UBE4A: variants seen among roughly 807,000 people sequenced by gnomAD.
UBE4A encodes the protein ubiquitination factor E4A.
Under a neutral mutation model 117.9 loss-of-function variants are expected in UBE4A, and 48 were observed. That is an observed-to-expected ratio of 0.41 (90% CI 0.32 to 0.52). The LOEUF (loss-of-function observed/expected upper bound fraction) is 0.52. Ranked by LOEUF, UBE4A falls within the 20% of genes least tolerant of loss-of-function variation. UBE4A has a pLI of 0.33. For missense variants in UBE4A, 1,067 were observed against 1,296.3 expected (o/e 0.82, Z 2.72); for synonymous variants, 407 against 450.0 (o/e 0.90, Z 1.21).
rs754905221 is a variant in UBE4A at position 118,372,489 on chromosome 11, T to C, written c.562-18T>C. ...TACAGAGTTAGACTATTCCCTCTTT[T>C]CTTCATGCTGTTTGCAGATTACCAA... is the stretch of plus-strand genomic sequence containing the variant. On this transcript the variant is annotated intron_variant, in intron 5 of 19. Transcript: ENST00000252108. The C allele has an allele frequency of 3.7e-5, 59 of 1,596,724 alleles. No individual in the cohort carries two copies. Among genetic ancestry groups the C allele is most frequent in the Admixed American group, 2.6e-4 (14 of 53,892 alleles).
chr11:118,394,802 C>G (rs759079817), intron 19 of UBE4A, among the ~76,000 whole-genome samples: 2 of 151,648 alleles, frequency 1.3e-5, no homozygotes, highest in African/African-American at 4.8e-5. Flanking sequence ...AGTTATATCT[C>G]TACAAAAAAT....
At chr11:118,382,301 CATT>C (rs1555126431) in intron 12 of UBE4A, among the ~76,000 whole-genome samples, 1 of 152,054 alleles carries the variant, frequency 6.6e-6, no homozygotes, top group African/African-American at 2.4e-5. Flanking sequence ...GTAAATAATG[CATT>C]ATTACAGAGA....
At chr11:118,381,074 C>G (rs1555126249) in intron 11 of UBE4A, among the ~76,000 whole-genome samples, 1 of 152,146 alleles carries the variant, frequency 6.6e-6, no homozygotes, top group African/African-American at 2.4e-5. Flanking sequence ...ACATATTAAT[C>G]TTTATTAGAG....
chr11:118,372,985 TAA>T (rs34104337), intron 6 of UBE4A, 99 bp from the exon 7 acceptor site: 47,725 of 921,792 alleles, frequency 0.052, no homozygotes, highest in East Asian at 0.12. Flanking sequence ...CCCCCAGCTC[TAA>T]AAAAAAAAAA....
At chr11:118,383,292 G>T (rs782693399) in intron 13 of UBE4A, among the ~76,000 whole-genome samples, 1 of 151,984 alleles carries the variant, frequency 6.6e-6, no homozygotes, top group Non-Finnish European at 1.5e-5. Context: ...CTAATGGTTC[G>T]ATTAAAAATA....
At chr11:118,372,304 T>TA (rs1294697367) in intron 5 of UBE4A, among the ~76,000 whole-genome samples, 1 of 152,118 alleles carries the variant, frequency 6.6e-6, no homozygotes, top group East Asian at 1.9e-4. Flanking sequence ...ATGTAAATAT[T>TA]AGAGTAGGCT....
At chr11:118,360,274 G>T (rs1948510292) in intron 1 of UBE4A, among the ~76,000 whole-genome samples, 1 of 152,088 alleles carries the variant, frequency 6.6e-6, no homozygotes, top group Non-Finnish European at 1.5e-5. Context: ...TTCCTTTTAG[G>T]ATCAGTTTTA....
At chr11:118,394,153 A>G (rs1455597691) in intron 19 of UBE4A, among the ~76,000 whole-genome samples, 5 of 151,792 alleles carry the variant, frequency 3.3e-5, no homozygotes, top group African/African-American at 1.2e-4. Context: ...GCCTATTTAT[A>G]TATTTATTTA....
intron 10 of UBE4A, 102 bp downstream of exon 10, chr11:118,376,796 T>A (rs1948656449): frequency 7.1e-7 from 1 of 1,402,816 alleles, no homozygotes; most frequent in Non-Finnish European, 9.5e-7. Flanking sequence ...ACATCTTTAA[T>A]CTCAGGATTT....
At position 118,388,062 on chromosome 11, in the gene UBE4A, A is replaced by C. The variant is rs560328889; in HGVS notation, c.2587+1450A>C. Among the ~76,000 whole-genome samples, 34 of 152,344 alleles carry C rather than the reference A, an allele frequency of 2.2e-4. No homozygotes were observed. The South Asian group carries it at 5.4e-3, about 24-fold the overall frequency. The stretch of plus-strand genomic sequence containing the variant: ...TGATAAGAGGCTCTGAAAATAAGCA[A>C]ATAAGCAAAAAGTTATACTAAAAAG... On this transcript the variant is annotated intron_variant, in intron 16 of 19. Coordinates refer to ENST00000252108, the MANE Select transcript of UBE4A (RefSeq NM_001204077.2).
intron 5 of UBE4A, 127 bp from the exon 6 acceptor site, chr11:118,372,380 G>C: frequency 1.1e-6 from 1 of 946,858 alleles, no homozygotes; most frequent in Non-Finnish European, 1.5e-6. Context: ...GCCAAGGAAG[G>C]AATCTCTAAT....
At position 118,379,651 on chromosome 11, in the gene UBE4A, G is replaced by C. The variant is rs1555125967; in HGVS notation, c.1777G>C (p.Val593Leu). 1 of 1,614,204 alleles carries C rather than the reference G, an allele frequency of 6.2e-7. No homozygotes were observed. Among genetic ancestry groups the C allele is most frequent in the East Asian group, 2.2e-5 (1 of 44,892 alleles). The change falls in exon 11 of 20, where the codon GTT becomes CTT. Residue 593 changes from valine to leucine, a missense_variant. Val to Leu is a conservative substitution (Grantham distance 32). This residue lies in a region of UBE4A where 1,001 missense variants were observed against 1,184.0 expected (regional missense o/e 0.85). Transcript: ENST00000252108. ...CCTAAACTTGCAGGTGTCCATGGCT[G>C]TTCTACTGGTTCAACTGGCCATAGG... ...NCLNLQVSMA[V>L]LLVQLAIGNE...
At position 118,376,496 on chromosome 11, in the gene UBE4A, GT is replaced by G. The variant is rs1476838953; in HGVS notation, c.1451-77del. 3 of 1,548,580 alleles carry G rather than the reference GT, an allele frequency of 1.9e-6. No individual in the cohort carries two copies. In the African/African-American group the frequency reaches 4.2e-5, roughly 21 times the overall value. On this transcript the variant is annotated intron_variant, in intron 9 of 19. Coordinates refer to ENST00000252108, the MANE Select transcript of UBE4A (RefSeq NM_001204077.2). Reference sequence around the variant, plus strand: ...TTTTAAGAAGATATCACTGCTAACAGTATGGAAATTGAATGAGTGTAAGAGG... The same window carrying G: ...TTTTAAGAAGATATCACTGCTAACAGATGGAAATTGAATGAGTGTAAGAGG...
intron 12 of UBE4A, 83 bp downstream of exon 12, chr11:118,381,606 T>C: frequency 6.5e-7 from 1 of 1,545,066 alleles, no homozygotes; most frequent in South Asian, 1.2e-5. Flanking sequence ...TAAACAAGCC[T>C]GAATCATAAG....
intron 18 of UBE4A, among the ~76,000 whole-genome samples, chr11:118,391,566 G>A (rs1207983442): frequency 5.3e-5 from 8 of 151,596 alleles, no homozygotes; most frequent in East Asian, 3.9e-4. Flanking sequence ...AGGTCGAGGC[G>A]GGCAGATCAC....
intron 4 of UBE4A, among the ~76,000 whole-genome samples, chr11:118,370,613 A>G (rs1193719581): frequency 2.0e-5 from 3 of 151,610 alleles, no homozygotes; most frequent in Non-Finnish European, 2.9e-5. Flanking sequence ...AGAGCAAGAA[A>G]GACCCATCTA....
Position 118,379,716 on chromosome 11 carries a change from G to T in UBE4A, c.1842G>T (p.Leu614Phe), listed in dbSNP as rs1555125983. ...GSQPIELTFP[L>F]PDGYSSLAYV... ...AGCCAATAGAGCTAACCTTTCCTTT[G>T]CCAGATGGCTACAGCTCTTTGGCTT... is the stretch of plus-strand genomic sequence containing the variant. Residue 614 changes from leucine to phenylalanine, a missense_variant, in exon 11 of 20, where the codon TTG becomes TTT. Leu to Phe is a conservative substitution (Grantham distance 22, BLOSUM62 0). Around this residue, in one of 3 missense-constraint regions of UBE4A, gnomAD observed 1,001 missense variants for 1,184.0 expected, o/e 0.85. Coordinates refer to ENST00000252108, the MANE Select transcript of UBE4A (RefSeq NM_001204077.2). The T allele has an allele frequency of 5.0e-6, 8 of 1,612,562 alleles. No individual in the cohort carries two copies. Among genetic ancestry groups the T allele is most frequent in the Non-Finnish European group, 6.8e-6 (8 of 1,178,638 alleles).
Position 118,382,598 on chromosome 11 carries a change from T to C in UBE4A, c.2019T>C (p.Asn673=). ...TTTGCCCATTTTGCAGAATGAAGAA[T>C]CCCCACCTGAGGGCCAAACTAGCAG... The part of the protein sequence containing the change: ...IFTGSIERMK[N]PHLRAKLAEV... The change falls in exon 13 of 20, where the codon AAT becomes AAC. Residue 673 remains asparagine (N), a synonymous_variant. Coordinates refer to ENST00000252108, the MANE Select transcript of UBE4A (RefSeq NM_001204077.2). 1 of 1,548,320 alleles carries C rather than the reference T, an allele frequency of 6.5e-7. No individual in the cohort carries two copies. The highest frequency in any genetic ancestry group is 8.8e-7 in the Non-Finnish European group (1 of 1,139,140).
intron 17 of UBE4A, among the ~76,000 whole-genome samples, 171 bp downstream of exon 17, chr11:118,390,076 A>C (rs769654766): frequency 4.6e-5 from 7 of 152,092 alleles, no homozygotes; most frequent in Non-Finnish European, 8.8e-5. Flanking sequence ...TTATCTGGGC[A>C]AGGTGTCGTG....
Sources: gnomAD v4.1 joint callset for allele counts (sites outside exome capture counted in the v4.1 genomes callset) on GRCh38, gnomAD v4.1.1 for gene constraint, gnomAD v4.1.1 regional missense constraint, MANE v1.5 for transcripts, NCBI Gene and HGNC (gene_info 2026-07-23, HGNC 2026-07-21) for gene names.